The following GRM8 variants were observed in gnomAD, a reference collection of about 807,000 sequenced individuals.
GRM8 encodes the protein metabotropic glutamate receptor 8.
Under a neutral mutation model 87.2 loss-of-function variants are expected in GRM8, and 47 were observed. That is an observed-to-expected ratio of 0.54 (90% CI 0.43 to 0.69). The LOEUF (loss-of-function observed/expected upper bound fraction) is 0.69, where lower values mean the gene tolerates loss of function less well. GRM8 is among the 30% of genes least tolerant of loss of function. GRM8 has a pLI of 0.00. For synonymous variants in GRM8, 396 were observed against 404.5 expected (o/e 0.98, Z 0.25); for missense variants, 1,019 against 1,139.2 (o/e 0.89, Z 1.52).
At chr7:126,954,624 T>C (rs540831022) in intron 3 of GRM8, among the ~76,000 whole-genome samples, 2 of 152,320 alleles carry the variant, frequency 1.3e-5, no homozygotes, top group South Asian at 2.1e-4. Context: ...ATTCATTACT[T>C]TCTAACTGTG....
chr7:126,601,370 T>C (rs1472782339), intron 8 of GRM8, among the ~76,000 whole-genome samples: 1 of 152,120 alleles, frequency 6.6e-6, no homozygotes, highest in African/African-American at 2.4e-5. Flanking sequence ...TTTGCTATGG[T>C]GAATAATGCC....
intron 8 of GRM8, among the ~76,000 whole-genome samples, chr7:126,582,538 T>C (rs1216068343): frequency 2.0e-5 from 3 of 152,108 alleles, no homozygotes; most frequent in South Asian, 4.1e-4. Context: ...CAACAATCAA[T>C]AGATTTTAAA....
chr7:126,597,391 C>G (rs1255853182), intron 8 of GRM8, among the ~76,000 whole-genome samples: 2 of 152,110 alleles, frequency 1.3e-5, no homozygotes, highest in East Asian at 3.9e-4. Context: ...TTAGATTTCA[C>G]ATAACGCTGA....
At chr7:127,069,483 TA>T (rs35965502) in intron 3 of GRM8, among the ~76,000 whole-genome samples, 52,605 of 150,492 alleles carry the variant, frequency 0.35, 9,562 homozygotes, top group Non-Finnish European at 0.41. Context: ...TATTTTAATT[TA>T]AAAAAAAAAG....
At chr7:127,063,594 AAAAT>A (rs1471596879) in intron 3 of GRM8, among the ~76,000 whole-genome samples, 2 of 152,302 alleles carry the variant, frequency 1.3e-5, no homozygotes, top group Admixed American at 6.5e-5. Flanking sequence ...ACAAAAAGAA[AAAAT>A]AAATAAATAA....
intron 2 of GRM8, among the ~76,000 whole-genome samples, chr7:127,149,777 G>C (rs1465695843): frequency 6.6e-6 from 1 of 151,936 alleles, no homozygotes; most frequent in African/African-American, 2.4e-5. Context: ...TGGGACTAGA[G>C]GGCTAAGTGA....
intron 6 of GRM8, among the ~76,000 whole-genome samples, chr7:126,795,092 T>C (rs1821808748): frequency 6.6e-6 from 1 of 152,196 alleles, no homozygotes; most frequent in African/African-American, 2.4e-5. Context: ...AAACATCCCA[T>C]GTTCTTATTT....
At chr7:126,529,194 A>G (rs1215421153) in intron 9 of GRM8, among the ~76,000 whole-genome samples, 1 of 152,196 alleles carries the variant, frequency 6.6e-6, no homozygotes, top group Non-Finnish European at 1.5e-5. Flanking sequence ...CAGAAAAAAA[A>G]AATTGTTATA....
chr7:127,178,823 A>G (rs12706766), intron 2 of GRM8, among the ~76,000 whole-genome samples: 102,137 of 152,000 alleles, frequency 0.67, 35,315 homozygotes, highest in African/African-American at 0.76. Flanking sequence ...CCACCACTAC[A>G]AGAACTGCTA....
At chr7:127,212,410 ATTTT>A (rs144077638) in intron 2 of GRM8, among the ~76,000 whole-genome samples, 14,452 of 95,924 alleles carry the variant, frequency 0.15, 419 homozygotes, top group Middle Eastern at 0.19. Flanking sequence ...ACATGGTGTT[ATTTT>A]TTTTTTTTTT....
chr7:126,583,748 G>C (rs189368749), intron 8 of GRM8, among the ~76,000 whole-genome samples: 24 of 146,884 alleles, frequency 1.6e-4, no homozygotes, highest in African/African-American at 5.3e-4. Flanking sequence ...TGCTTCCTAT[G>C]AATGAGCAAA....
chr7:126,942,039 T>G (rs1224180233), intron 3 of GRM8, among the ~76,000 whole-genome samples: 2 of 152,228 alleles, frequency 1.3e-5, no homozygotes, highest in African/African-American at 2.4e-5. Flanking sequence ...CAAAGCCTGT[T>G]AACCTCATGA....
chr7:127,207,997 C>T (rs918056305), intron 2 of GRM8, among the ~76,000 whole-genome samples: 3 of 152,108 alleles, frequency 2.0e-5, no homozygotes, highest in Non-Finnish European at 4.4e-5. Flanking sequence ...CTGCAGCACT[C>T]TCACCACCAG....
intron 3 of GRM8, among the ~76,000 whole-genome samples, chr7:126,941,596 G>A (rs2131536521): frequency 6.6e-6 from 1 of 151,548 alleles, no homozygotes; most frequent in South Asian, 2.1e-4. Flanking sequence ...CTCCAGCCTG[G>A]GCAACAGAGC....
intron 7 of GRM8, among the ~76,000 whole-genome samples, chr7:126,699,707 G>C (rs538699705): frequency 2.0e-5 from 3 of 152,226 alleles, no homozygotes; most frequent in Non-Finnish European, 4.4e-5. Flanking sequence ...AGTGTCTGAT[G>C]AAGTTCTCCC....
intron 7 of GRM8, among the ~76,000 whole-genome samples, chr7:126,647,292 T>C (rs957598645): frequency 8.4e-6 from 1 of 118,476 alleles, no homozygotes; most frequent in Admixed American, 9.4e-5. Context: ...CATAAATAGA[T>C]GGATAGATAG....
At chr7:126,636,496 A>C (rs893267999) in intron 7 of GRM8, among the ~76,000 whole-genome samples, 1 of 152,146 alleles carries the variant, frequency 6.6e-6, no homozygotes, top group Admixed American at 6.6e-5. Context: ...TAATGACAAT[A>C]AAAAAGTCTG....
intron 3 of GRM8, among the ~76,000 whole-genome samples, chr7:127,087,252 T>C (rs935015059): frequency 6.6e-6 from 1 of 152,194 alleles, no homozygotes; most frequent in Non-Finnish European, 1.5e-5. Flanking sequence ...GGGGAGAAAC[T>C]TTCAGTTTGG....
chr7:127,190,136 G>A (rs1192268972), intron 2 of GRM8, among the ~76,000 whole-genome samples: 1 of 152,144 alleles, frequency 6.6e-6, no homozygotes, highest in Admixed American at 6.5e-5. Context: ...CCTGTTCCAC[G>A]TATCTCTCAT....
Sources: gnomAD v4.1 joint callset for allele counts (sites outside exome capture counted in the v4.1 genomes callset) on GRCh38, gnomAD v4.1.1 for gene constraint, MANE v1.5 for transcripts, NCBI Gene and HGNC (gene_info 2026-07-23, HGNC 2026-07-21) for gene names.